BHMT: variants seen among roughly 807,000 people sequenced by gnomAD.
BHMT encodes the protein betaine--homocysteine S-methyltransferase 1.
A neutral mutation model predicts 49.5 loss-of-function variants in BHMT; 38 were observed. The observed-to-expected ratio is 0.77, with a 90% CI of 0.59 to 1.01. The LOEUF is 1.01. Among genes scored for constraint, BHMT ranks in the 50% least tolerant of loss-of-function variants. The pLI is 0.00. For missense variants in BHMT, 426 were observed against 495.7 expected, an observed-to-expected ratio of 0.86 and a Z score of 1.34; for synonymous variants, 166 against 176.3, an observed-to-expected ratio of 0.94 and a Z score of 0.46.
chr5:79,124,937 A>G (rs887466979), intron 5 of BHMT, among the ~76,000 whole-genome samples: 22 of 152,152 alleles, frequency 1.4e-4, no homozygotes, highest in African/African-American at 5.3e-4. Context: ...ACTTTTTTCT[A>G]AATTACATTC....
chr5:79,122,425 C>A (rs1466920562), intron 5 of BHMT, among the ~76,000 whole-genome samples: 2 of 152,098 alleles, frequency 1.3e-5, no homozygotes, highest in Non-Finnish European at 2.9e-5. Context: ...ATGTCAGGAA[C>A]AATGTCCTTT....
At chr5:79,128,250 G>A in intron 7 of BHMT, 1 of 387,502 alleles carries the variant, frequency 2.6e-6, no homozygotes, top group Non-Finnish European at 4.6e-6. Flanking sequence ...GCTGGGTGCG[G>A]TGGCTCGCGC....
intron 1 of BHMT, among the ~76,000 whole-genome samples, chr5:79,112,257 G>A (rs1396480330): frequency 6.6e-6 from 1 of 152,198 alleles, no homozygotes; most frequent in East Asian, 1.9e-4. Context: ...CCTCCCTGAC[G>A]GCTGGGTGTC....
At chr5:79,130,608 C>G (rs1195032645) in intron 7 of BHMT, among the ~76,000 whole-genome samples, 2 of 151,354 alleles carry the variant, frequency 1.3e-5, no homozygotes, top group Admixed American at 1.3e-4. Context: ...TGCTTAGTTA[C>G]CCTGAGCACA....
intron 1 of BHMT, among the ~76,000 whole-genome samples, chr5:79,112,207 T>C (rs1756312807): frequency 1.3e-5 from 2 of 152,160 alleles, no homozygotes; most frequent in African/African-American, 4.8e-5. Context: ...CCCAGATCTA[T>C]GTGATCCTTG....
chr5:79,124,392 A>G (rs1324517771), intron 5 of BHMT, among the ~76,000 whole-genome samples: 10 of 152,110 alleles, frequency 6.6e-5, no homozygotes, highest in Admixed American at 5.9e-4. Context: ...CTACAAAAAA[A>G]TAAAATTTTT....
chr5:79,118,328 G>C (rs993127931), intron 2 of BHMT, among the ~76,000 whole-genome samples: 6 of 152,116 alleles, frequency 3.9e-5, no homozygotes, highest in African/African-American at 1.4e-4. Context: ...ATTACCAGGC[G>C]TGGTGGCAGG....
intron 4 of BHMT, 125 bp from the exon 5 acceptor site, chr5:79,121,093 G>C (rs1252708454): frequency 8.4e-7 from 1 of 1,195,738 alleles, no homozygotes; most frequent in Non-Finnish European, 1.2e-6. Context: ...AAATGTTGCA[G>C]TGAGCCGAAA....
rs969348527 is a variant in BHMT, at chr5:79,131,014, G to A, written c.1119G>A (p.Trp373Ter). ...CTTCAATGTCAAAGCCAGATGGCTG[G>A]GGAGTGACCAAAGGAACAGCCGAGC... The part of the protein sequence containing the change: ...YNPSMSKPDG[W>*]GVTKGTAELM... Residue 373 changes from tryptophan (W) to a stop codon, truncating the protein, a stop_gained, in exon 8 of 8, where the codon TGG (tryptophan) becomes TGA (stop). Coordinates refer to ENST00000274353, the MANE Select transcript of BHMT (RefSeq NM_001713.3). LOFTEE classifies it high-confidence loss of function. 6.2e-7 allele frequency: 1 copy of A among 1,613,842 alleles called. No individual in the cohort carries two copies. The highest frequency in any genetic ancestry group is 1.3e-5 in the African/African-American group (1 of 74,874).
Position 79,115,779 on chromosome 5 carries a change from C to T in BHMT, c.46C>T (p.Arg16Cys), listed in dbSNP as rs56709544. The T allele has an allele frequency of 1.5e-4, 239 of 1,610,746 alleles. 1 individual carries two copies. The East Asian group carries it at 2.8e-3, about 19-fold the overall frequency. The change falls in exon 2 of 8, where the codon CGT becomes TGT. Residue 16 changes from arginine (R) to cysteine (C), a missense_variant. Arg to Cys is a radical substitution (Grantham distance 180). Coordinates refer to ENST00000274353, the MANE Select transcript of BHMT (RefSeq NM_001713.3). Reference protein sequence around the residue: ...GKKAKKGILERLNAGEIVIGD... With the variant: ...GKKAKKGILECLNAGEIVIGD... The stretch of plus-strand genomic sequence containing the variant: ...TCTGTAATTTTAGGGCATCCTAGAA[C>T]GTTTAAATGCTGGAGAGATTGTGAT...
At chr5:79,126,396 G>A (rs1309507948) in intron 6 of BHMT, 168 bp downstream of exon 6, 1 of 680,142 alleles carries the variant, frequency 1.5e-6, no homozygotes, top group African/African-American at 1.8e-5. Flanking sequence ...CTTCGTATTA[G>A]AGAAGAGCAG....
chr5:79,115,715 A>G lies in BHMT; in HGVS notation c.34-52A>G, dbSNP rs1003573942. 39 of 1,475,716 alleles carry G rather than the reference A, an allele frequency of 2.6e-5. No individual in the cohort carries two copies. The Admixed American group carries it at 3.3e-4, about 12-fold the overall frequency. The allele number at this position is 1,475,716 out of a possible 1,614,324, so 91.4% of individuals were successfully genotyped here. Reference sequence around the variant, plus strand: ...TTAGCAAAAGTAATAAAAATAGAAAATTATCTTAAACACTCAAGTAACTCC... The same window carrying G: ...TTAGCAAAAGTAATAAAAATAGAAAGTTATCTTAAACACTCAAGTAACTCC... On this transcript the variant is annotated intron_variant, in intron 1 of 7. Coordinates refer to ENST00000274353, the MANE Select transcript of BHMT (RefSeq NM_001713.3).
At chr5:79,121,449 C>A in intron 5 of BHMT, 84 bp downstream of exon 5, 7 of 1,474,940 alleles carry the variant, frequency 4.7e-6, no homozygotes, top group Non-Finnish European at 5.5e-6. Flanking sequence ...TCAGTGTATA[C>A]TACTTTCGTT....
intron 2 of BHMT, among the ~76,000 whole-genome samples, chr5:79,116,650 G>A (rs1756389261): frequency 6.6e-6 from 1 of 152,056 alleles, no homozygotes; most frequent in Non-Finnish European, 1.5e-5. Flanking sequence ...AGTTTGCTGT[G>A]GAATTTTAAA....
rs1453678761 is a variant in BHMT, at chr5:79,127,864, C to A, written c.918C>A (p.His306Gln). The A allele has an allele frequency of 5.0e-6, 8 of 1,614,010 alleles. No individual in the cohort carries two copies. The highest frequency in any genetic ancestry group is 1.6e-4 in the Middle Eastern group (1 of 6,080). ...IGGCCGFEPY[H>Q]IRAIAEELAP... ...GGTGCTGTGGATTTGAGCCCTACCA[C>A]ATCAGGGCAATTGCAGAGGAGCTGG... The change falls in exon 7 of 8, where the codon CAC (histidine) becomes CAA (glutamine). Residue 306 changes from histidine to glutamine, a missense_variant. Physicochemically the swap from His to Gln is conservative, Grantham distance 24. This residue lies in a region of BHMT where 32 missense variants were observed against 71.6 expected (regional missense o/e 0.45). Transcript: ENST00000274353.
At chr5:79,125,929 T>G in intron 5 of BHMT, 117 bp from the exon 6 acceptor site, 27 of 1,044,980 alleles carry the variant, frequency 2.6e-5, no homozygotes, top group Non-Finnish European at 3.1e-5. Context: ...GGCAACAGAG[T>G]GAGATTGTGT....
intron 1 of BHMT, among the ~76,000 whole-genome samples, chr5:79,112,747 T>G (rs1394891331): frequency 6.6e-6 from 1 of 152,266 alleles, no homozygotes; most frequent in South Asian, 2.1e-4. Context: ...GCTATCCCAG[T>G]GGCTTGTTGG....
chr5:79,127,395 G>A (rs1457989737), intron 6 of BHMT, among the ~76,000 whole-genome samples: 1 of 152,000 alleles, frequency 6.6e-6, no homozygotes, highest in East Asian at 1.9e-4. Context: ...CCCAGGGTGA[G>A]TGCTCCAAGA....
At chr5:79,118,887 G>A (rs1169223383) in intron 2 of BHMT, among the ~76,000 whole-genome samples, 1 of 152,200 alleles carries the variant, frequency 6.6e-6, no homozygotes, top group Non-Finnish European at 1.5e-5. Context: ...GCCCAACCAT[G>A]CAGTGCTGTA....
Sources: gnomAD v4.1 joint callset for allele counts (sites outside exome capture counted in the v4.1 genomes callset) on GRCh38, gnomAD v4.1.1 for gene constraint, gnomAD v4.1.1 regional missense constraint, MANE v1.5 for transcripts, NCBI Gene and HGNC (gene_info 2026-07-23, HGNC 2026-07-21) for gene names.